STRN: variants seen among roughly 807,000 people sequenced by gnomAD.
The protein encoded by STRN is protein phosphatase 2 regulatory subunit B'''alpha.
In STRN, 53 loss-of-function variants were observed where a neutral mutation model predicts 96.3. The ratio of observed to expected loss-of-function variants is 0.55; its 90% CI spans 0.44 to 0.69. STRN has a LOEUF of 0.69. Among genes scored for constraint, STRN ranks in the 30% least tolerant of loss-of-function variants. The probability of loss-of-function intolerance (pLI) is 0.00; values close to 1 mark genes in which losing one functional copy is unlikely to be tolerated. For missense variants in STRN, 987 were observed against 963.9 expected (o/e 1.02, Z -0.32); for synonymous variants, 428 against 355.9 (o/e 1.20, Z -2.28).
Position 36,849,404 on chromosome 2 carries a change from G to C in STRN, c.*52C>G. The C allele has an allele frequency of 1.3e-6, 2 of 1,591,588 alleles. No homozygotes were observed. The highest frequency in any genetic ancestry group is 1.7e-6 in the Non-Finnish European group (2 of 1,164,416). ...CTTGCCCTCGTCTTCTGTATCTCTT[G>C]TGTGCAGTTGATTACTTATAAACAG... On this transcript the variant is annotated 3_prime_UTR_variant, in exon 18 of 18. Transcript: ENST00000263918.
chr2:36,863,773 T>G (rs1467120646), intron 12 of STRN, among the ~76,000 whole-genome samples: 3 of 152,256 alleles, frequency 2.0e-5, no homozygotes, highest in Non-Finnish European at 4.4e-5. Context: ...AACAATAGAT[T>G]CTTTCTATCC....
At chr2:36,915,791 C>T (rs1216034602) in intron 3 of STRN, among the ~76,000 whole-genome samples, 1 of 152,158 alleles carries the variant, frequency 6.6e-6, no homozygotes. Context: ...GCAGACCCAG[C>T]AAGACAAGGT....
intron 10 of STRN, among the ~76,000 whole-genome samples, chr2:36,873,389 T>G (rs1668816354): frequency 6.6e-6 from 1 of 152,114 alleles, no homozygotes; most frequent in Non-Finnish European, 1.5e-5. Flanking sequence ...ACTTTCCAAT[T>G]CAACTTTAAA....
chr2:36,902,057 T>C (rs374632387), intron 5 of STRN, among the ~76,000 whole-genome samples: 3 of 152,334 alleles, frequency 2.0e-5, no homozygotes, highest in African/African-American at 7.2e-5. Context: ...TATGTAATTG[T>C]ATGATACATA....
chr2:36,955,421 T>C (rs1295151060), intron 1 of STRN, among the ~76,000 whole-genome samples: 6 of 152,344 alleles, frequency 3.9e-5, no homozygotes, highest in Admixed American at 2.6e-4. Flanking sequence ...TGCATATGCA[T>C]GCGTGTGTAT....
At chr2:36,911,383 T>G (rs1188996527) in intron 3 of STRN, among the ~76,000 whole-genome samples, 1 of 152,212 alleles carries the variant, frequency 6.6e-6, no homozygotes, top group Non-Finnish European at 1.5e-5. Flanking sequence ...TCCCTAAATT[T>G]GCTAGTTCTT....
intron 3 of STRN, among the ~76,000 whole-genome samples, chr2:36,908,163 A>G (rs923429346): frequency 6.6e-6 from 1 of 152,270 alleles, no homozygotes; most frequent in African/African-American, 2.4e-5. Flanking sequence ...GCCAAGTAAA[A>G]ACATTTACAT....
intron 1 of STRN, among the ~76,000 whole-genome samples, chr2:36,941,684 G>A (rs572649988): frequency 6.6e-6 from 1 of 150,642 alleles, no homozygotes; most frequent in African/African-American, 2.4e-5. Context: ...TAAGTAGTTG[G>A]GATTACAGGC....
intron 8 of STRN, among the ~76,000 whole-genome samples, 165 bp from the exon 9 acceptor site, chr2:36,884,240 A>T (rs1480700745): frequency 6.6e-6 from 1 of 152,254 alleles, no homozygotes; most frequent in Non-Finnish European, 1.5e-5. Context: ...AAATTACTGT[A>T]AAAGTTTATT....
In STRN at chr2:36,846,799, A is replaced by AG. The variant is rs1668089706; in HGVS notation, c.*2656dup. The AG allele has an allele frequency of 6.6e-6, 1 of 152,078 alleles. No homozygotes were observed. The highest frequency in any genetic ancestry group is 1.5e-5 in the Non-Finnish European group (1 of 67,988). The allele number at this position is 152,078 out of a possible 1,614,324, so 9.4% of individuals were successfully genotyped here. A position where few individuals can be genotyped will look rare whatever the true frequency, so the allele number is the denominator to read the frequency against. On this transcript the variant is annotated 3_prime_UTR_variant, in exon 18 of 18. Coordinates refer to ENST00000263918, the MANE Select transcript of STRN (RefSeq NM_003162.4). ...GAGTAGCAAATGAGCTCCATATGAC[A>AG]GTTGAGTTTTGAGAAGGGTGCTGCA...
chr2:36,917,592 G>A (rs1339276145), intron 2 of STRN, among the ~76,000 whole-genome samples: 1 of 149,584 alleles, frequency 6.7e-6, no homozygotes, highest in African/African-American at 2.4e-5. Context: ...AAAATTATTT[G>A]CTCAAATGTG....
chr2:36,909,622 G>C (rs1176848516), intron 3 of STRN, among the ~76,000 whole-genome samples: 1 of 152,036 alleles, frequency 6.6e-6, no homozygotes, highest in Non-Finnish European at 1.5e-5. Context: ...AGTATTTGAA[G>C]AAATAATGGC....
intron 1 of STRN, among the ~76,000 whole-genome samples, chr2:36,931,816 C>T (rs1322290011): frequency 1.3e-5 from 2 of 152,152 alleles, no homozygotes. Context: ...TGCTTGCTTG[C>T]TTGCTTATTC....
At chr2:36,862,639 G>C (rs1668519092) in intron 12 of STRN, among the ~76,000 whole-genome samples, 1 of 151,184 alleles carries the variant, frequency 6.6e-6, no homozygotes, top group South Asian at 2.1e-4. Context: ...TGTAATAAGT[G>C]ATGATGAGCA....
At chr2:36,895,132 C>A (rs1172922005) in intron 6 of STRN, among the ~76,000 whole-genome samples, 1 of 152,038 alleles carries the variant, frequency 6.6e-6, no homozygotes, top group Admixed American at 6.6e-5. Flanking sequence ...TCGAGACCAT[C>A]CTGGCTAACA....
At chr2:36,899,297 A>G (rs556735231) in intron 6 of STRN, among the ~76,000 whole-genome samples, 1 of 152,344 alleles carries the variant, frequency 6.6e-6, no homozygotes, top group Non-Finnish European at 1.5e-5. Context: ...TGTCCTGTTC[A>G]ATGAATGAAC....
chr2:36,911,634 C>G (rs1669967700), intron 3 of STRN, among the ~76,000 whole-genome samples: 1 of 152,224 alleles, frequency 6.6e-6, no homozygotes, highest in East Asian at 1.9e-4. Flanking sequence ...GAATCTACCC[C>G]CTTACTTTTA....
intron 10 of STRN, among the ~76,000 whole-genome samples, chr2:36,877,078 T>C (rs1160880536): frequency 2.0e-5 from 3 of 152,192 alleles, no homozygotes; most frequent in African/African-American, 7.2e-5. Context: ...CAATTATGTT[T>C]GGAATTAAGT....
In STRN at chr2:36,902,570, G is replaced by A. The variant is rs180719271; in HGVS notation, c.659+14C>T. On this transcript the variant is annotated intron_variant, in intron 5 of 17. Coordinates refer to ENST00000263918, the MANE Select transcript of STRN (RefSeq NM_003162.4). ...CTAATAATAGCTAAAACACTTTCCA[G>A]ACAAAATACTTACGCAATCATTGCT... 247 of 1,579,850 alleles carry A rather than the reference G, an allele frequency of 1.6e-4. No homozygotes were observed. In the African/African-American group the frequency reaches 2.9e-3, roughly 18 times the overall value.
Sources: gnomAD v4.1 joint callset for allele counts (sites outside exome capture counted in the v4.1 genomes callset) on GRCh38, gnomAD v4.1.1 for gene constraint, MANE v1.5 for transcripts, NCBI Gene and HGNC (gene_info 2026-07-23, HGNC 2026-07-21) for gene names.